The following ACBD6 variants were observed in gnomAD, a reference collection of about 807,000 sequenced individuals.
ACBD6 encodes the protein acyl-CoA binding domain containing 6.
Under a neutral mutation model 37.2 loss-of-function variants are expected in ACBD6, and 28 were observed. The ratio of observed to expected loss-of-function variants is 0.75; its 90% CI spans 0.56 to 1.03. The LOEUF is 1.03. ACBD6 is among the 50% of genes least tolerant of loss of function. ACBD6 has a pLI of 0.00. For synonymous variants in ACBD6, 113 were observed against 126.8 expected, an observed-to-expected ratio of 0.89 and a Z score of 0.73; for missense variants, 340 against 337.4, an observed-to-expected ratio of 1.01 and a Z score of -0.06.
At chr1:180,341,657 T>C (rs1351137857) in intron 6 of ACBD6, among the ~76,000 whole-genome samples, 1 of 152,208 alleles carries the variant, frequency 6.6e-6, no homozygotes, top group East Asian at 1.9e-4. Flanking sequence ...CATTATCTCT[T>C]GAACCCACTT....
At chr1:180,493,276 A>C (rs200130374) in intron 2 of ACBD6, among the ~76,000 whole-genome samples, 1,875 of 112,940 alleles carry the variant, frequency 0.017, 9 homozygotes, top group Admixed American at 0.045. Context: ...AAAAAAAAAA[A>C]AACAACAACA....
intron 3 of ACBD6, among the ~76,000 whole-genome samples, chr1:180,454,963 G>A (rs1345696139): frequency 2.2e-4 from 33 of 152,164 alleles, no homozygotes; most frequent in Non-Finnish European, 3.8e-4. Flanking sequence ...TCAGTGTGGC[G>A]ATTCCTCAGG....
At chr1:180,428,832 C>T (rs764648498) in intron 4 of ACBD6, among the ~76,000 whole-genome samples, 36 of 152,068 alleles carry the variant, frequency 2.4e-4, no homozygotes, top group Admixed American at 1.6e-3. Flanking sequence ...ATTTATCTAA[C>T]TAGGAAAGAA....
intron 3 of ACBD6, among the ~76,000 whole-genome samples, chr1:180,471,133 C>T (rs761101799): frequency 1.3e-5 from 2 of 152,194 alleles, no homozygotes; most frequent in Non-Finnish European, 2.9e-5. Context: ...GGTGCAGTGG[C>T]TCACTCTTGT....
At chr1:180,271,384 C>T (rs1648646755) in exon 14 of ACBD6, 5 of 1,614,192 alleles carry the variant, frequency 3.1e-6, no homozygotes, top group Non-Finnish European at 4.2e-6. Context: ...TTGCAGATGA[C>T]TCAGAGGCTG....
chr1:180,391,940 G>A (rs148809344), intron 6 of ACBD6, among the ~76,000 whole-genome samples: 2 of 151,996 alleles, frequency 1.3e-5, no homozygotes, highest in African/African-American at 4.8e-5. Context: ...ATAAAATCCT[G>A]GTATATACAC....
downstream of ACBD6, among the ~76,000 whole-genome samples, chr1:180,284,351 G>A (rs1318478513): frequency 2.6e-5 from 4 of 151,636 alleles, no homozygotes; most frequent in African/African-American, 9.7e-5. Context: ...GATTACGAAA[G>A]ATGGTATTAA....
intron 3 of ACBD6, among the ~76,000 whole-genome samples, chr1:180,439,534 G>A (rs182600269): frequency 0.011 from 1,650 of 151,930 alleles, 20 homozygotes; most frequent in Non-Finnish European, 0.017. Context: ...AACTTGCAGT[G>A]AGCCAAGATT....
intron 3 of ACBD6, among the ~76,000 whole-genome samples, chr1:180,464,870 G>T (rs918196879): frequency 6.6e-6 from 1 of 152,070 alleles, no homozygotes; most frequent in Non-Finnish European, 1.5e-5. Flanking sequence ...AGAGAGCCCA[G>T]AAATAAGGCC....
chr1:180,307,355 T>C (rs1230244339), intron 7 of ACBD6, among the ~76,000 whole-genome samples: 1 of 152,058 alleles, frequency 6.6e-6, no homozygotes, highest in East Asian at 1.9e-4. Flanking sequence ...TACAAGAGGC[T>C]GGGAAGGGTT....
At chr1:180,392,769 T>A (rs1488313654) in intron 6 of ACBD6, among the ~76,000 whole-genome samples, 1 of 151,786 alleles carries the variant, frequency 6.6e-6, no homozygotes, top group East Asian at 1.9e-4. Flanking sequence ...TTTTCTCATG[T>A]TTTTGAAATC....
chr1:180,331,793 C>A (rs1332962391), intron 6 of ACBD6, among the ~76,000 whole-genome samples: 1 of 152,176 alleles, frequency 6.6e-6, no homozygotes, highest in Non-Finnish European at 1.5e-5. Flanking sequence ...CCCAAGACTT[C>A]ATGTTAATAA....
intron 5 of ACBD6, among the ~76,000 whole-genome samples, chr1:180,404,777 G>A (rs1647541659): frequency 6.6e-6 from 1 of 152,106 alleles, no homozygotes; most frequent in Admixed American, 6.6e-5. Context: ...CATATTTAAT[G>A]ACAGAGAACT....
chr1:180,409,018 A>G (rs1647740906), intron 5 of ACBD6, among the ~76,000 whole-genome samples: 1 of 152,054 alleles, frequency 6.6e-6, no homozygotes, highest in African/African-American at 2.4e-5. Context: ...TTAGCCAGGC[A>G]TGGTAGTGCA....
At position 180,390,025 on chromosome 1, in the gene ACBD6, T is replaced by C. The variant is rs190771208; in HGVS notation, c.663+7491A>G. 8.8e-3 allele frequency among the ~76,000 whole-genome samples: 1,343 copies of C among 152,072 alleles called. 74 individuals are homozygous for C. The East Asian group carries it at 0.17, about 19-fold the overall frequency. ...AGTTTAATTAGATCCTATTTGTCAA[T>C]TCTGGCTTTTGTTGCCATTGCTTTT... On this transcript the variant is annotated intron_variant, in intron 6 of 7. Transcript: ENST00000367595.
intron 9 of ACBD6, chr1:180,278,631 C>T (rs1275087289): frequency 6.6e-6 from 1 of 151,970 alleles, no homozygotes; most frequent in Non-Finnish European, 1.5e-5. Context: ...GCAAGAATCA[C>T]ACCAACTTTC....
chr1:180,418,047 G>GTTGA (rs10657837), intron 4 of ACBD6, among the ~76,000 whole-genome samples: 145,164 of 152,004 alleles, frequency 0.96, 69,381 homozygotes, highest in African/African-American at 0.99. Context: ...AAAGTCTAAT[G>GTTGA]TTCTTTTTAA....
intron 6 of ACBD6, among the ~76,000 whole-genome samples, chr1:180,345,633 G>A (rs931038603): frequency 2.0e-5 from 3 of 151,994 alleles, no homozygotes; most frequent in African/African-American, 7.2e-5. Context: ...AAGTTGAGTC[G>A]ATTATTACGC....
At chr1:180,422,469 G>A (rs140856112) in intron 4 of ACBD6, among the ~76,000 whole-genome samples, 3 of 152,158 alleles carry the variant, frequency 2.0e-5, no homozygotes, top group Admixed American at 6.5e-5. Flanking sequence ...GCCTTCGAAG[G>A]TGCTCCCAAG....
Sources: allele counts gnomAD v4.1 joint callset (sites outside exome capture counted in the v4.1 genomes callset), GRCh38; gene constraint gnomAD v4.1.1; transcripts MANE v1.5; gene names NCBI Gene and HGNC (gene_info 2026-07-23, HGNC 2026-07-21).